SOX6: variants seen among roughly 807,000 people sequenced by gnomAD.
SOX6 encodes the protein transcription factor SOX-6.
A neutral mutation model predicts 97.8 loss-of-function variants in SOX6; 11 were observed. The ratio of observed to expected loss-of-function variants is 0.11; its 90% CI spans 0.07 to 0.19. The LOEUF (loss-of-function observed/expected upper bound fraction) is 0.19, where lower values mean the gene tolerates loss of function less well. SOX6 is among the 10% of genes least tolerant of loss of function. The probability of loss-of-function intolerance (pLI) is 1.00; values close to 1 mark genes in which losing one functional copy is unlikely to be tolerated. For missense variants in SOX6, 810 were observed against 1,039.5 expected (o/e 0.78, Z 3.04); for synonymous variants, 360 against 371.4 (o/e 0.97, Z 0.35).
chr11:16,587,780 A>AACT (rs1848111676), intron 4 of SOX6, among the ~76,000 whole-genome samples: 1 of 152,206 alleles, frequency 6.6e-6, no homozygotes, highest in Non-Finnish European at 1.5e-5. Flanking sequence ...GAAGAGGTTA[A>AACT]CTAACAGACT....
At chr11:16,419,820 C>T (rs959777433) in intron 1 of SOX6, among the ~76,000 whole-genome samples, 2 of 152,102 alleles carry the variant, frequency 1.3e-5, no homozygotes, top group Non-Finnish European at 2.9e-5. Flanking sequence ...CTCCAGCTGC[C>T]TAACTCAACA....
intron 6 of SOX6, among the ~76,000 whole-genome samples, chr11:16,122,342 C>A (rs534310849): frequency 2.0e-5 from 3 of 152,014 alleles, no homozygotes; most frequent in African/African-American, 7.2e-5. Context: ...GTCTTATTTC[C>A]AGAGAAGTAT....
At chr11:16,562,039 T>C (rs1847821388) in intron 4 of SOX6, among the ~76,000 whole-genome samples, 1 of 152,148 alleles carries the variant, frequency 6.6e-6, no homozygotes, top group African/African-American at 2.4e-5. Flanking sequence ...TTATTTGCCT[T>C]TTTCACTCTA....
chr11:16,049,429 G>C (rs1847626604), intron 11 of SOX6, among the ~76,000 whole-genome samples: 1 of 152,064 alleles, frequency 6.6e-6, no homozygotes, highest in Non-Finnish European at 1.5e-5. Context: ...CTTTTGAAAG[G>C]TTGCTTTGAA....
intron 3 of SOX6, chr11:16,314,534 T>C (rs1423029582): frequency 6.6e-6 from 1 of 152,182 alleles, no homozygotes; most frequent in Non-Finnish European, 1.5e-5. Context: ...TTAGAGACCA[T>C]TGTTTTATTC....
chr11:16,495,164 C>T (rs139995070), intron 4 of SOX6, among the ~76,000 whole-genome samples: 10 of 152,232 alleles, frequency 6.6e-5, no homozygotes, highest in Admixed American at 2.6e-4. Flanking sequence ...TCATTTACAA[C>T]CATCCTAAGG....
chr11:16,397,257 A>G (rs571369471), intron 1 of SOX6, among the ~76,000 whole-genome samples: 5 of 151,664 alleles, frequency 3.3e-5, no homozygotes, highest in African/African-American at 1.2e-4. Context: ...AAATATATTT[A>G]TCTACTTATG....
chr11:15,976,538 A>T (rs772751459), intron 15 of SOX6, among the ~76,000 whole-genome samples: 5 of 152,126 alleles, frequency 3.3e-5, no homozygotes, highest in Admixed American at 6.6e-5. Context: ...CTGGGGGAGC[A>T]CCAAGGAAAT....
intron 12 of SOX6, among the ~76,000 whole-genome samples, chr11:16,017,763 T>C (rs1241820292): frequency 6.6e-6 from 1 of 152,068 alleles, no homozygotes; most frequent in Non-Finnish European, 1.5e-5. Flanking sequence ...TGCCCCTATA[T>C]GGAACAAATA....
rs187077482 is a variant in SOX6 at position 16,649,465 on chromosome 11, T to A, written n.430-37205A>T. ...AGCCAGAAAGAATTGAGGTCCCACA[T>A]TTAGCCTCCTGAGACAAAATAATTG... On this transcript the variant is annotated intron_variant and non_coding_transcript_variant, in intron 3 of 5. Transcript: ENST00000524520. 7.9e-3 allele frequency among the ~76,000 whole-genome samples: 1,199 copies of A among 152,292 alleles called. 14 individuals carry two copies. The highest frequency in any genetic ancestry group is 0.028 in the African/African-American group (1,143 of 41,554).
chr11:16,476,798 G>C (rs181140900), upstream of SOX6, among the ~76,000 whole-genome samples: 9 of 152,302 alleles, frequency 5.9e-5, no homozygotes, highest in African/African-American at 1.9e-4. Context: ...GGAATACCTT[G>C]TAGGTAGAAT....
chr11:16,242,539 C>T (rs986559268), intron 3 of SOX6, among the ~76,000 whole-genome samples: 1 of 151,516 alleles, frequency 6.6e-6, no homozygotes, highest in African/African-American at 2.4e-5. Context: ...TAAAGCATTG[C>T]TACTTACAAT....
chr11:16,680,035 T>C (rs903890235), intron 3 of SOX6, among the ~76,000 whole-genome samples: 1 of 152,194 alleles, frequency 6.6e-6, no homozygotes, highest in African/African-American at 2.4e-5. Flanking sequence ...GAAAACACTC[T>C]TCAGGATATT....
At chr11:16,389,796 GTC>G (rs1375686479) in intron 1 of SOX6, among the ~76,000 whole-genome samples, 1 of 151,276 alleles carries the variant, frequency 6.6e-6, no homozygotes, top group African/African-American at 2.4e-5. Flanking sequence ...GTGAAACCCC[GTC>G]TCTACTAAAA....
In SOX6 at chr11:16,625,779, G is replaced by A. The variant is rs75810158; in HGVS notation, n.430-13519C>T. Reference sequence around the variant, plus strand: ...GGTAAACACATGAAGGTGCTCAGAGGGTGGCACCCTTAAGAGGGCGTAAGA... The same window carrying A: ...GGTAAACACATGAAGGTGCTCAGAGAGTGGCACCCTTAAGAGGGCGTAAGA... On this transcript the variant is annotated intron_variant and non_coding_transcript_variant, in intron 3 of 5. Transcript: ENST00000524520. Among the ~76,000 whole-genome samples the A allele has an allele frequency of 1.5e-4, 23 of 152,150 alleles. No individual in the cohort carries two copies. In the East Asian group the frequency reaches 4.1e-3, roughly 27 times the overall value.
At chr11:16,570,891 G>A (rs1434455974) in intron 4 of SOX6, among the ~76,000 whole-genome samples, 2 of 152,226 alleles carry the variant, frequency 1.3e-5, no homozygotes, top group East Asian at 3.9e-4. Flanking sequence ...GAAGTAAAAG[G>A]ATTGAAACAA....
intron 1 of SOX6, among the ~76,000 whole-genome samples, chr11:16,342,136 T>A (rs1304213425): frequency 6.6e-6 from 1 of 151,998 alleles, no homozygotes; most frequent in Non-Finnish European, 1.5e-5. Flanking sequence ...GACTACACGC[T>A]ACATGACAAC....
At chr11:16,321,991 T>C (rs1371047006) in intron 2 of SOX6, among the ~76,000 whole-genome samples, 1 of 152,146 alleles carries the variant, frequency 6.6e-6, no homozygotes, top group Non-Finnish European at 1.5e-5. Flanking sequence ...CTGTCTAATA[T>C]GAAGTCAATA....
At chr11:16,566,013 G>A (rs1364465895) in intron 4 of SOX6, among the ~76,000 whole-genome samples, 2 of 150,952 alleles carry the variant, frequency 1.3e-5, no homozygotes, top group Non-Finnish European at 2.9e-5. Context: ...GGAGAATGGC[G>A]TGAACCCAGG....
Sources: gnomAD v4.1 joint callset for allele counts (sites outside exome capture counted in the v4.1 genomes callset) on GRCh38, gnomAD v4.1.1 for gene constraint, MANE v1.5 for transcripts, NCBI Gene and HGNC (gene_info 2026-07-23, HGNC 2026-07-21) for gene names.